The following NDP variants were observed in gnomAD, a reference collection of about 807,000 sequenced individuals.
NDP encodes the protein norrin cystine knot growth factor NDP, also known as norrin.
In NDP, 2 loss-of-function variants were observed where a neutral mutation model predicts 8.4. The observed-to-expected ratio is 0.24, with a 90% CI of 0.10 to 0.75. The LOEUF is 0.75. NDP is among the 30% of genes least tolerant of loss of function. The pLI is 0.73. For missense variants in NDP, 81 were observed against 110.1 expected, an observed-to-expected ratio of 0.74 and a Z score of 1.18; for synonymous variants, 55 against 45.6, an observed-to-expected ratio of 1.21 and a Z score of -0.83.
At chrX:43,971,500 G>A (rs886934778) in intron 1 of NDP, among the ~76,000 whole-genome samples, 2 of 111,260 alleles carry the variant, frequency 1.8e-5, no homozygotes, top group Non-Finnish European at 3.8e-5. Context: ...TCCATCTGTG[G>A]GTGTCAGCTG....
At chrX:43,971,153 A>G (rs1401561655) in intron 1 of NDP, among the ~76,000 whole-genome samples, 1 of 112,355 alleles carries the variant, frequency 8.9e-6, no homozygotes, top group Non-Finnish European at 1.9e-5. Context: ...TGGCATATGG[A>G]CTGAGAATTA....
At chrX:43,959,602 A>T (rs891215548) in intron 1 of NDP, among the ~76,000 whole-genome samples, 1 of 111,313 alleles carries the variant, frequency 9.0e-6, no homozygotes, top group Non-Finnish European at 1.9e-5. Flanking sequence ...TTAAAATAGG[A>T]TCATATTATA....
At chrX:43,952,276 C>G (rs1210958540) in intron 2 of NDP, among the ~76,000 whole-genome samples, 3 of 111,688 alleles carry the variant, frequency 2.7e-5, no homozygotes, top group African/African-American at 9.8e-5. Flanking sequence ...CTGTTCTCCC[C>G]CCATCTCCCT....
intron 1 of NDP, among the ~76,000 whole-genome samples, chrX:43,964,188 A>C (rs1199406197): frequency 9.0e-6 from 1 of 111,129 alleles, no homozygotes; most frequent in African/African-American, 3.3e-5. Context: ...CTGTGATAGG[A>C]CTCTGTGTTC....
intron 1 of NDP, among the ~76,000 whole-genome samples, chrX:43,959,174 G>A (rs1017510721): frequency 8.9e-6 from 1 of 111,740 alleles, no homozygotes; most frequent in Admixed American, 9.5e-5. Flanking sequence ...CAACGTAACC[G>A]AATTGGGTGG....
At chrX:43,970,093 G>A (rs1335381500) in intron 1 of NDP, among the ~76,000 whole-genome samples, 3 of 112,132 alleles carry the variant, frequency 2.7e-5, no homozygotes, top group Non-Finnish European at 5.6e-5. Context: ...GGGCATCAGA[G>A]GAATTCCAAA....
At chrX:43,965,653 C>T (rs1412075040) in intron 1 of NDP, among the ~76,000 whole-genome samples, 1 of 111,327 alleles carries the variant, frequency 9.0e-6, no homozygotes, top group African/African-American at 3.3e-5. Context: ...CCCTCTTGCA[C>T]CTTTCTTTTG....
At chrX:43,954,076 A>G (rs1382498456) in intron 2 of NDP, among the ~76,000 whole-genome samples, 1 of 112,395 alleles carries the variant, frequency 8.9e-6, no homozygotes, top group Non-Finnish European at 1.9e-5. Context: ...ACTCCGACAG[A>G]GTGGAAAAGT....
chrX:43,956,083 T>C (rs1434791474), intron 2 of NDP, among the ~76,000 whole-genome samples: 1 of 111,541 alleles, frequency 9.0e-6, no homozygotes, highest in Non-Finnish European at 1.9e-5. Context: ...TATTTTGGGC[T>C]TCAGTTTTCC....
intron 1 of NDP, among the ~76,000 whole-genome samples, chrX:43,970,611 T>A (rs1158542555): frequency 2.7e-5 from 3 of 111,550 alleles, no homozygotes; most frequent in Non-Finnish European, 5.7e-5. Context: ...GACCTGGGTT[T>A]GGGGAAGAGT....
chrX:43,972,964 C>T (rs1249804441), intron 1 of NDP, among the ~76,000 whole-genome samples: 1 of 112,892 alleles, frequency 8.9e-6, no homozygotes, highest in Non-Finnish European at 1.9e-5. Context: ...TCCATGTTGG[C>T]AAGTTGCTGC....
chrX:43,956,992 T>C (rs1057117678), intron 2 of NDP, among the ~76,000 whole-genome samples: 1 of 112,299 alleles, frequency 8.9e-6, no homozygotes, highest in Non-Finnish European at 1.9e-5. Flanking sequence ...TTCTAGTTTT[T>C]ATAGATGCTC....
At chrX:43,960,284 G>A (rs192355873) in intron 1 of NDP, among the ~76,000 whole-genome samples, 186 of 111,725 alleles carry the variant, frequency 1.7e-3, no homozygotes, top group African/African-American at 5.6e-3. Context: ...ACCTCCTCTA[G>A]CCCAAGTTTC....
Position 43,959,952 on chromosome X carries a change from A to T in NDP, c.-207-1100T>A, listed in dbSNP as rs551354004. Among the ~76,000 whole-genome samples, 65 of 112,486 alleles carry T rather than the reference A, an allele frequency of 5.8e-4. 1 individual carries two copies. The South Asian group carries it at 0.024, about 41-fold the overall frequency. On this transcript the variant is annotated intron_variant, in intron 1 of 2. Coordinates refer to ENST00000642620, the MANE Select transcript of NDP (RefSeq NM_000266.4). ...CATGAACAGTCTGAATAAACAGGGCAAAGTGTTGATAAAATCAAGATTAGG... is the reference window on the plus strand; with the variant it reads ...CATGAACAGTCTGAATAAACAGGGCTAAGTGTTGATAAAATCAAGATTAGG...
intron 1 of NDP, chrX:43,961,010 A>G (rs1200609640): frequency 8.9e-6 from 1 of 112,592 alleles, no homozygotes; most frequent in Admixed American, 9.4e-5. Flanking sequence ...ATTTATTGGC[A>G]TTTCCACTTT....
chrX:43,955,597 C>T (rs758768191), intron 2 of NDP, among the ~76,000 whole-genome samples: 1 of 112,573 alleles, frequency 8.9e-6, no homozygotes, highest in South Asian at 3.7e-4. Flanking sequence ...TTTAGAGAAA[C>T]TTAGTCTTCC....
intron 2 of NDP, among the ~76,000 whole-genome samples, chrX:43,951,351 G>T (rs772588038): frequency 1.8e-5 from 2 of 110,876 alleles, no homozygotes; most frequent in East Asian, 5.7e-4. Context: ...GGAATTAGAG[G>T]CTGCAGGAAG....
At chrX:43,952,703 G>A (rs962523961) in intron 2 of NDP, among the ~76,000 whole-genome samples, 5 of 112,219 alleles carry the variant, frequency 4.5e-5, no homozygotes, top group African/African-American at 6.5e-5. Flanking sequence ...ACTGAAGGAC[G>A]TGGGGCCACC....
chrX:43,965,145 C>T (rs933067939), intron 1 of NDP, among the ~76,000 whole-genome samples: 7 of 111,961 alleles, frequency 6.3e-5, no homozygotes, highest in African/African-American at 1.9e-4. Flanking sequence ...CCAAGTGCAG[C>T]GGCTCATGCC....
Sources: gnomAD v4.1 joint callset for allele counts (sites outside exome capture counted in the v4.1 genomes callset) on GRCh38, gnomAD v4.1.1 for gene constraint, MANE v1.5 for transcripts, NCBI Gene and HGNC (gene_info 2026-07-23, HGNC 2026-07-21) for gene names.